The following SYT14 variants were observed in gnomAD, a reference collection of about 807,000 sequenced individuals.
The protein encoded by SYT14 is synaptotagmin-14.
Under a neutral mutation model 74.2 loss-of-function variants are expected in SYT14, and 32 were observed. That is an observed-to-expected ratio of 0.43 (90% CI 0.33 to 0.58). The LOEUF (loss-of-function observed/expected upper bound fraction) is 0.58. SYT14 is among the 20% of genes least tolerant of loss of function. SYT14 has a pLI of 0.05. For synonymous variants in SYT14, 298 were observed against 337.7 expected, an observed-to-expected ratio of 0.88 and a Z score of 1.29; for missense variants, 791 against 981.8, an observed-to-expected ratio of 0.81 and a Z score of 2.60.
intron 5 of SYT14, among the ~76,000 whole-genome samples, chr1:210,083,448 T>G (rs113000383): frequency 0.023 from 3,484 of 152,326 alleles, 58 homozygotes; most frequent in Non-Finnish European, 0.033. Context: ...GGTCATGCTC[T>G]GTGGCTCAGG....
intron 5 of SYT14, among the ~76,000 whole-genome samples, chr1:210,084,417 T>C (rs999936218): frequency 9.2e-5 from 14 of 152,190 alleles, no homozygotes; most frequent in African/African-American, 3.4e-4. Context: ...GGCAAGCCCA[T>C]GTATTTTTGT....
At chr1:210,164,583 G>GA (rs2083436116) in exon 10 of SYT14, 2 of 152,556 alleles carry the variant, frequency 1.3e-5, no homozygotes, top group African/African-American at 2.4e-5. Context: ...TCCAGTGAAA[G>GA]AAAAAATAGG....
chr1:209,955,721 T>A lies in SYT14; in HGVS notation c.-486+2965T>A, dbSNP rs116087023. On this transcript the variant is annotated intron_variant, in intron 2 of 9. Transcript: ENST00000637265. Reference sequence around the variant, plus strand: ...TATCTTACCCTGATCTACAAAGACATTATAGTATCAACTCGGAGTCCAAAA... The same window carrying A: ...TATCTTACCCTGATCTACAAAGACAATATAGTATCAACTCGGAGTCCAAAA... Among the ~76,000 whole-genome samples the A allele has an allele frequency of 2.9e-3, 445 of 152,324 alleles. 2 individuals carry two copies. The highest frequency in any genetic ancestry group is 5.0e-3 in the Non-Finnish European group (338 of 68,020).
intron 2 of SYT14, among the ~76,000 whole-genome samples, chr1:209,998,339 T>C (rs1253992620): frequency 6.6e-6 from 1 of 152,026 alleles, no homozygotes; most frequent in Non-Finnish European, 1.5e-5. Context: ...TGCTCATGGA[T>C]TGGAAGAGTT....
chr1:210,117,586 T>G (rs2082385067), intron 7 of SYT14, among the ~76,000 whole-genome samples: 1 of 152,158 alleles, frequency 6.6e-6, no homozygotes, highest in Non-Finnish European at 1.5e-5. Context: ...GTATAAAAAC[T>G]TAATGATTAT....
intron 7 of SYT14, among the ~76,000 whole-genome samples, chr1:210,142,020 A>T (rs1467165841): frequency 6.6e-6 from 1 of 152,170 alleles, no homozygotes; most frequent in East Asian, 1.9e-4. Context: ...CTTGCCACTG[A>T]TTGTTTCCAA....
chr1:209,972,291 G>C (rs924555391), intron 2 of SYT14, among the ~76,000 whole-genome samples: 1 of 151,576 alleles, frequency 6.6e-6, no homozygotes. Context: ...GTTGTTTATC[G>C]TTTCAAAGAA....
At chr1:209,992,886 G>A (rs1195110057) in intron 2 of SYT14, among the ~76,000 whole-genome samples, 2 of 152,128 alleles carry the variant, frequency 1.3e-5, no homozygotes, top group African/African-American at 2.4e-5. Flanking sequence ...ATGAAGGTGG[G>A]GAAGCTGGGA....
At chr1:210,116,205 A>G (rs1316345970) in intron 7 of SYT14, among the ~76,000 whole-genome samples, 1 of 152,202 alleles carries the variant, frequency 6.6e-6, no homozygotes, top group Admixed American at 6.5e-5. Context: ...CAGAGGCCTG[A>G]CACTAATTAT....
chr1:210,094,530 T>TCC lies in SYT14; in HGVS notation c.1521_1522insCC (p.Phe508ProfsTer19). ...GAAGCACAGGTCATGAAATAGAAAG[T>TCC]TTTCATAATAAAGGATATGAAGAAG... On this transcript the variant is annotated frameshift_variant, in exon 6 of 10. Transcript: ENST00000637265. LOFTEE classifies it high-confidence loss of function. 6.2e-7 allele frequency: 1 copy of TCC among 1,612,414 alleles called. No individual in the cohort carries two copies. The highest frequency in any genetic ancestry group is 1.7e-5 in the Admixed American group (1 of 59,828).
intron 7 of SYT14, among the ~76,000 whole-genome samples, chr1:210,113,498 G>A (rs923097423): frequency 5.3e-5 from 8 of 151,318 alleles, no homozygotes; most frequent in Admixed American, 4.6e-4. Context: ...AAAAGGCCAT[G>A]CTGTAACAGG....
intron 7 of SYT14, among the ~76,000 whole-genome samples, chr1:210,123,706 TAG>T (rs889188964): frequency 6.6e-6 from 1 of 152,174 alleles, no homozygotes; most frequent in African/African-American, 2.4e-5. Flanking sequence ...TTTAAACGTT[TAG>T]AGTTTTTTGG....
chr1:210,102,511 A>G (rs1452791758), intron 7 of SYT14, among the ~76,000 whole-genome samples: 2 of 152,104 alleles, frequency 1.3e-5, no homozygotes, highest in Non-Finnish European at 2.9e-5. Context: ...TATATTCTAT[A>G]TATACTATAG....
intron 7 of SYT14, among the ~76,000 whole-genome samples, chr1:210,135,894 ACAC>A (rs1282287182): frequency 6.6e-6 from 1 of 152,204 alleles, no homozygotes; most frequent in Non-Finnish European, 1.5e-5. Context: ...TATGTTTTCT[ACAC>A]TTTGTTCAGA....
intron 4 of SYT14, among the ~76,000 whole-genome samples, chr1:210,018,515 C>G (rs2102941722): frequency 6.6e-6 from 1 of 151,838 alleles, no homozygotes; most frequent in South Asian, 2.1e-4. Flanking sequence ...CTTAAAGTAG[C>G]AAAAATTAAA....
At chr1:210,074,591 T>A (rs2081455556) in intron 5 of SYT14, among the ~76,000 whole-genome samples, 2 of 152,242 alleles carry the variant, frequency 1.3e-5, no homozygotes. Context: ...CTCAGGTGAC[T>A]ACAGTCCCAA....
intron 4 of SYT14, chr1:210,017,162 A>G (rs2080202289): frequency 8.9e-7 from 1 of 1,128,220 alleles, no homozygotes; most frequent in Admixed American, 4.2e-5. Flanking sequence ...TAAATTAGTA[A>G]AACATCATCC....
exon 10 of SYT14, chr1:210,168,140 G>T: frequency 6.5e-6 from 1 of 153,128 alleles, no homozygotes; most frequent in South Asian, 2.0e-4. Context: ...TATGTTGTGT[G>T]GGCTGGGAGC....
chr1:210,012,091 A>C (rs2102915942), intron 2 of SYT14, among the ~76,000 whole-genome samples: 1 of 152,248 alleles, frequency 6.6e-6, no homozygotes, highest in Non-Finnish European at 1.5e-5. Flanking sequence ...CAGTTTCTGG[A>C]ATATAATGTG....
Sources: allele counts gnomAD v4.1 joint callset (sites outside exome capture counted in the v4.1 genomes callset), GRCh38; gene constraint gnomAD v4.1.1; transcripts MANE v1.5; gene names NCBI Gene and HGNC (gene_info 2026-07-23, HGNC 2026-07-21).